The following BMERB1 variants were observed in gnomAD, a reference collection of about 807,000 sequenced individuals.
BMERB1 encodes bMERB domain-containing protein 1.
Under a neutral mutation model 23.6 loss-of-function variants are expected in BMERB1, and 12 were observed. The observed-to-expected ratio is 0.51, with a 90% CI of 0.33 to 0.82. The LOEUF is 0.82. Ranked by LOEUF, BMERB1 falls within the 40% of genes least tolerant of loss-of-function variation. The probability of loss-of-function intolerance (pLI) is 0.03; values close to 1 mark genes in which losing one functional copy is unlikely to be tolerated. For synonymous variants in BMERB1, 122 were observed against 96.6 expected (o/e 1.26, Z -1.54); for missense variants, 247 against 255.4 (o/e 0.97, Z 0.22).
At chr16:15,484,004 A>G (rs1053418210) in intron 1 of BMERB1, among the ~76,000 whole-genome samples, 25 of 152,194 alleles carry the variant, frequency 1.6e-4, no homozygotes, top group African/African-American at 4.6e-4. Flanking sequence ...GAATCTTACA[A>G]TCACTGTGGA....
chr16:15,580,723 A>G (rs578256294), intron 3 of BMERB1, among the ~76,000 whole-genome samples: 62 of 150,074 alleles, frequency 4.1e-4, no homozygotes, highest in African/African-American at 1.5e-3. Context: ...AATTTTTTGT[A>G]TTTAGTAGAG....
chr16:15,472,843 T>C (rs2051241484), intron 1 of BMERB1, among the ~76,000 whole-genome samples: 2 of 150,880 alleles, frequency 1.3e-5, no homozygotes, highest in Non-Finnish European at 2.9e-5. Flanking sequence ...TTACTTGACA[T>C]ATTTTAAGGA....
chr16:15,516,357 C>T (rs1238860594), intron 2 of BMERB1, among the ~76,000 whole-genome samples: 1 of 152,078 alleles, frequency 6.6e-6, no homozygotes, highest in Non-Finnish European at 1.5e-5. Flanking sequence ...GGGTTCAAGA[C>T]TGCAGTGAAC....
At chr16:15,438,183 T>A (rs1435358046) in intron 1 of BMERB1, among the ~76,000 whole-genome samples, 7 of 149,868 alleles carry the variant, frequency 4.7e-5, no homozygotes, top group African/African-American at 1.5e-4. Flanking sequence ...GCCTCCCAGG[T>A]TCAAGCCATT....
At chr16:15,527,162 T>A (rs2051917569) in intron 2 of BMERB1, among the ~76,000 whole-genome samples, 1 of 152,022 alleles carries the variant, frequency 6.6e-6, no homozygotes, top group African/African-American at 2.4e-5. Context: ...TGTGTAACCA[T>A]CACCATCCCT....
At chr16:15,481,103 A>C (rs1265979135) in intron 1 of BMERB1, among the ~76,000 whole-genome samples, 1 of 152,226 alleles carries the variant, frequency 6.6e-6, no homozygotes, top group Non-Finnish European at 1.5e-5. Flanking sequence ...TATTTGGAAA[A>C]GAATGCAGAA....
At chr16:15,553,044 G>A (rs1182193093) in intron 2 of BMERB1, among the ~76,000 whole-genome samples, 1 of 152,110 alleles carries the variant, frequency 6.6e-6, no homozygotes, top group Non-Finnish European at 1.5e-5. Flanking sequence ...GTCTCACTCT[G>A]TTGCCCAGGC....
At chr16:15,576,909 C>G (rs1416733610) in intron 3 of BMERB1, among the ~76,000 whole-genome samples, 4 of 152,122 alleles carry the variant, frequency 2.6e-5, no homozygotes, top group Admixed American at 1.3e-4. Context: ...CGGTCTCTCT[C>G]GAGAAGTCCC....
chr16:15,555,360 C>A (rs572191715), intron 2 of BMERB1, among the ~76,000 whole-genome samples: 2 of 152,334 alleles, frequency 1.3e-5, no homozygotes, highest in African/African-American at 4.8e-5. Context: ...GCATGAGCCA[C>A]TGTGCCTGGC....
At chr16:15,499,782 C>T (rs546498129) in intron 1 of BMERB1, among the ~76,000 whole-genome samples, 1 of 152,312 alleles carries the variant, frequency 6.6e-6, no homozygotes, top group African/African-American at 2.4e-5. Flanking sequence ...CTTGCCAACA[C>T]TGACCGCCTC....
intron 1 of BMERB1, among the ~76,000 whole-genome samples, chr16:15,488,744 G>T (rs2051389132): frequency 6.6e-6 from 1 of 150,578 alleles, no homozygotes; most frequent in Admixed American, 6.6e-5. Flanking sequence ...CCCGGAGGCT[G>T]AGGCAGGAGA....
chr16:15,562,820 C>G (rs529863550), intron 2 of BMERB1, among the ~76,000 whole-genome samples: 3 of 152,178 alleles, frequency 2.0e-5, no homozygotes. Flanking sequence ...TGTGCCCTCC[C>G]GGCAAGTCCA....
chr16:15,437,598 C>A (rs923080061), intron 1 of BMERB1, among the ~76,000 whole-genome samples: 2 of 152,068 alleles, frequency 1.3e-5, no homozygotes, highest in Non-Finnish European at 2.9e-5. Context: ...GCAGCAAGCA[C>A]CCAATTTACA....
chr16:15,442,609 A>T (rs978755641), intron 1 of BMERB1, among the ~76,000 whole-genome samples: 3 of 152,188 alleles, frequency 2.0e-5, no homozygotes. Context: ...ATTAGTTATT[A>T]AACACATATT....
intron 1 of BMERB1, among the ~76,000 whole-genome samples, chr16:15,450,441 A>G (rs1324439678): frequency 6.6e-6 from 1 of 152,114 alleles, no homozygotes; most frequent in Non-Finnish European, 1.5e-5. Context: ...ACCCTAGACA[A>G]ATAATAGGCA....
At chr16:15,529,229 T>A (rs1180290741) in intron 2 of BMERB1, among the ~76,000 whole-genome samples, 2 of 152,080 alleles carry the variant, frequency 1.3e-5, no homozygotes, top group African/African-American at 2.4e-5. Flanking sequence ...GGTTTCACCG[T>A]GTTAGCCAGG....
intron 2 of BMERB1, among the ~76,000 whole-genome samples, chr16:15,528,763 G>C (rs560203507): frequency 1.3e-5 from 2 of 151,926 alleles, no homozygotes. Context: ...AAATACATAT[G>C]TCGACATCTA....
chr16:15,522,256 G>T (rs1049028180), intron 2 of BMERB1, among the ~76,000 whole-genome samples: 1 of 152,200 alleles, frequency 6.6e-6, no homozygotes, highest in Admixed American at 6.5e-5. Context: ...GAAGGTAGGC[G>T]TGCGAAGGAC....
At position 15,581,325 on chromosome 16, in the gene BMERB1, G is replaced by A. The variant is rs1208487544; in HGVS notation, c.413G>A (p.Arg138Gln). The A allele has an allele frequency of 1.9e-6, 3 of 1,613,652 alleles. No homozygotes were observed. The highest frequency in any genetic ancestry group is 2.5e-6 in the Non-Finnish European group (3 of 1,179,806). The change falls in exon 4 of 6, where the codon CGG becomes CAG. Residue 138 changes from arginine (R) to glutamine (Q), a missense_variant. Physicochemically the swap from Arg to Gln is conservative, Grantham distance 43. Coordinates refer to ENST00000300006, the MANE Select transcript of BMERB1 (RefSeq NM_033201.3). Reference protein sequence around the residue: ...DFLVDDAEVERLREQEEDKEM... With the variant: ...DFLVDDAEVEQLREQEEDKEM... ...CTGGTGGACGATGCGGAGGTCGAGC[G>A]GTTAAGGTGAGTGCACTGCGGGTAC...
Sources: allele counts gnomAD v4.1 joint callset (sites outside exome capture counted in the v4.1 genomes callset), GRCh38; gene constraint gnomAD v4.1.1; transcripts MANE v1.5; gene names NCBI Gene and HGNC (gene_info 2026-07-23, HGNC 2026-07-21).